CCDC7: variants seen among roughly 807,000 people sequenced by gnomAD.
CCDC7 encodes coiled-coil domain containing 7.
Under a neutral mutation model 196.9 loss-of-function variants are expected in CCDC7, and 183 were observed. The ratio of observed to expected loss-of-function variants is 0.93; its 90% CI spans 0.82 to 1.05. The LOEUF (loss-of-function observed/expected upper bound fraction) is 1.05. CCDC7 is among the 50% of genes least tolerant of loss of function. The probability of loss-of-function intolerance (pLI) is 0.00; values close to 1 mark genes in which losing one functional copy is unlikely to be tolerated. For missense variants in CCDC7, 1,540 were observed against 1,482.2 expected (o/e 1.04, Z -0.64); for synonymous variants, 525 against 484.6 (o/e 1.08, Z -1.10).
chr10:32,672,527 G>A (rs1184209943), intron 21 of CCDC7, among the ~76,000 whole-genome samples: 2 of 152,180 alleles, frequency 1.3e-5, no homozygotes, highest in African/African-American at 2.4e-5. Context: ...TTCTTTCCCA[G>A]TAGTGGCTTA....
intron 21 of CCDC7, among the ~76,000 whole-genome samples, chr10:32,664,617 T>C (rs1246387844): frequency 1.3e-5 from 2 of 152,052 alleles, no homozygotes; most frequent in African/African-American, 2.4e-5. Flanking sequence ...ACTGGCTTAC[T>C]TTATTTAACA....
At chr10:32,559,066 T>A (rs1005310283) in intron 13 of CCDC7, among the ~76,000 whole-genome samples, 1 of 152,218 alleles carries the variant, frequency 6.6e-6, no homozygotes, top group Non-Finnish European at 1.5e-5. Context: ...CGCTGATTGC[T>A]AGCACAGCAC....
chr10:32,459,304 A>G (rs2035072230), intron 3 of CCDC7, among the ~76,000 whole-genome samples: 2 of 152,240 alleles, frequency 1.3e-5, no homozygotes, highest in Middle Eastern at 3.4e-3. Context: ...AGGTGAAACT[A>G]ACTCAGTTTA....
chr10:32,655,163 G>A (rs2069558635), intron 20 of CCDC7, among the ~76,000 whole-genome samples: 1 of 152,136 alleles, frequency 6.6e-6, no homozygotes, highest in Non-Finnish European at 1.5e-5. Context: ...CTCTCTAGGG[G>A]TTGTTAGGCA....
At chr10:32,745,180 T>C (rs2074504684) in intron 28 of CCDC7, among the ~76,000 whole-genome samples, 1 of 152,350 alleles carries the variant, frequency 6.6e-6, no homozygotes, top group South Asian at 2.1e-4. Flanking sequence ...GATCTATTTG[T>C]CTATTCTTTT....
intron 33 of CCDC7, among the ~76,000 whole-genome samples, chr10:32,841,063 A>C (rs1285345444): frequency 6.6e-6 from 1 of 151,540 alleles, no homozygotes; most frequent in Non-Finnish European, 1.5e-5. Context: ...ACGGGTTTTG[A>C]AAGCATTCCC....
rs186455704 is a variant in CCDC7, at chr10:32,860,422, T to G, written c.4111+5933T>G. Among the ~76,000 whole-genome samples, 359 of 152,246 alleles carry G rather than the reference T, an allele frequency of 2.4e-3. 2 individuals carry two copies. Among genetic ancestry groups the G allele is most frequent in the African/African-American group, 8.2e-3 (341 of 41,538 alleles). ...ATTGATGGAATGTATGTCAAAATAA[T>G]AAGAGCTATTTATGACAAAGCTACA... On this transcript the variant is annotated intron_variant, in intron 41 of 41. Transcript: ENST00000639629.
At chr10:32,469,074 T>G (rs2037420373) in intron 5 of CCDC7, among the ~76,000 whole-genome samples, 1 of 152,254 alleles carries the variant, frequency 6.6e-6, no homozygotes, top group Admixed American at 6.5e-5. Context: ...CACTATCTAT[T>G]CCATACTCTT....
At chr10:32,519,538 C>T (rs1003602389) in intron 11 of CCDC7, among the ~76,000 whole-genome samples, 22 of 151,822 alleles carry the variant, frequency 1.4e-4, no homozygotes, top group African/African-American at 4.4e-4. Flanking sequence ...CTTTGGTGCT[C>T]ATTTGGTAGG....
At chr10:32,530,200 G>A (rs918864450) in intron 11 of CCDC7, among the ~76,000 whole-genome samples, 4 of 152,094 alleles carry the variant, frequency 2.6e-5, no homozygotes, top group Middle Eastern at 3.2e-3. Flanking sequence ...GAAGTCAGGC[G>A]ATGTGATGCT....
chr10:32,668,429 G>T (rs1052802318), intron 21 of CCDC7, among the ~76,000 whole-genome samples: 3 of 152,054 alleles, frequency 2.0e-5, no homozygotes, highest in African/African-American at 7.3e-5. Flanking sequence ...GGTGAGAGAG[G>T]GCATCCCTGT....
intron 28 of CCDC7, among the ~76,000 whole-genome samples, chr10:32,736,747 CTT>C (rs1268616904): frequency 1.3e-5 from 2 of 152,050 alleles, no homozygotes; most frequent in African/African-American, 4.8e-5. Context: ...AAGCAGTTGA[CTT>C]TTGTATATTA....
At chr10:32,725,888 G>T (rs900994513) in intron 25 of CCDC7, among the ~76,000 whole-genome samples, 2 of 152,130 alleles carry the variant, frequency 1.3e-5, no homozygotes, top group Admixed American at 6.6e-5. Context: ...CATGAGATTT[G>T]GAGGGGACTC....
rs551137681 is a variant in CCDC7 at position 32,870,770 on chromosome 10, C to G, written c.4112-5577C>G. On this transcript the variant is annotated intron_variant, in intron 41 of 41. Coordinates refer to ENST00000639629, the Ensembl canonical transcript of CCDC7. ...GCTCTGATTATTTTGAGATACATCC[C>G]ATCAATACCTAATTTATTGAGTTTT... Among the ~76,000 whole-genome samples, 3 of 152,286 alleles carry G rather than the reference C, an allele frequency of 2.0e-5. No individual in the cohort carries two copies. In the South Asian group the frequency reaches 6.2e-4, roughly 32 times the overall value.
At chr10:32,660,884 C>G (rs2071222958) in intron 20 of CCDC7, among the ~76,000 whole-genome samples, 1 of 139,000 alleles carries the variant, frequency 7.2e-6, no homozygotes, top group Non-Finnish European at 1.6e-5. Flanking sequence ...AGAAGAAAAC[C>G]TAGGCATTAC....
At chr10:32,753,135 G>A (rs2075912616) in intron 28 of CCDC7, among the ~76,000 whole-genome samples, 1 of 152,066 alleles carries the variant, frequency 6.6e-6, no homozygotes, top group South Asian at 2.1e-4. Flanking sequence ...TAGCTCTGAA[G>A]GTGGCTCAGA....
At chr10:32,795,500 C>A (rs1460574734) in intron 29 of CCDC7, among the ~76,000 whole-genome samples, 1 of 152,112 alleles carries the variant, frequency 6.6e-6, no homozygotes, top group African/African-American at 2.4e-5. Flanking sequence ...TACTGAGTTT[C>A]CTTAAAACTT....
At chr10:32,511,269 G>GGT in intron 9 of CCDC7, 3 of 474,088 alleles carry the variant, frequency 6.3e-6, no homozygotes, top group Middle Eastern at 5.5e-4. Context: ...GGCGGGGGGG[G>GGT]CGGGGAAATG....
chr10:32,578,988 C>T (rs1403392907), intron 16 of CCDC7, among the ~76,000 whole-genome samples: 1 of 152,178 alleles, frequency 6.6e-6, no homozygotes, highest in Non-Finnish European at 1.5e-5. Flanking sequence ...TAGCAATGCA[C>T]ATTTTACTGG....
Sources: allele counts gnomAD v4.1 joint callset (sites outside exome capture counted in the v4.1 genomes callset), GRCh38; gene constraint gnomAD v4.1.1; transcripts MANE v1.5; gene names NCBI Gene and HGNC (gene_info 2026-07-23, HGNC 2026-07-21).